Variants in UBE2Q2 observed in about 807,000 individuals in gnomAD.
The protein encoded by UBE2Q2 is ubiquitin conjugating enzyme E2 Q2, also known as ubiquitin-conjugating enzyme E2 Q2.
Under a neutral mutation model 59.9 loss-of-function variants are expected in UBE2Q2, and 54 were observed. The observed-to-expected ratio is 0.90, with a 90% CI of 0.72 to 1.13. The LOEUF is 1.13. Ranked by LOEUF, UBE2Q2 falls within the 50% of genes most tolerant of loss-of-function variation. The pLI is 0.00. For missense variants in UBE2Q2, 433 were observed against 441.9 expected (o/e 0.98, Z 0.18); for synonymous variants, 165 against 155.2 (o/e 1.06, Z -0.47).
Position 75,900,218 on chromosome 15 carries a change from A to G in UBE2Q2, c.*760A>G, listed in dbSNP as rs147767676. Reference sequence around the variant, plus strand: ...AGAGCTTCAAGTTATTTAAAATACTAAGTCATCTTACGTTTCCATTTTATT... The same window carrying G: ...AGAGCTTCAAGTTATTTAAAATACTGAGTCATCTTACGTTTCCATTTTATT... On this transcript the variant is annotated 3_prime_UTR_variant, in exon 13 of 13. Coordinates refer to ENST00000267938, the MANE Select transcript of UBE2Q2 (RefSeq NM_173469.4). The G allele has an allele frequency of 2.0e-5, 3 of 152,332 alleles. No individual in the cohort carries two copies. The highest frequency in any genetic ancestry group is 4.8e-5 in the African/African-American group (2 of 41,568). 9.4% of individuals were successfully genotyped at this position (152,332 alleles called of 1,614,324 possible).
intron 3 of UBE2Q2, among the ~76,000 whole-genome samples, chr15:75,860,576 G>A (rs1897158629): frequency 6.6e-6 from 1 of 152,010 alleles, no homozygotes; most frequent in Admixed American, 6.6e-5. Context: ...ACTTTGTAGA[G>A]TAAAGCCAAG....
chr15:75,852,556 T>A (rs1230119042), intron 1 of UBE2Q2, among the ~76,000 whole-genome samples: 1 of 152,238 alleles, frequency 6.6e-6, no homozygotes, highest in Admixed American at 6.5e-5. Context: ...CATGTATGTT[T>A]CTTGGCTTAT....
intron 4 of UBE2Q2, among the ~76,000 whole-genome samples, chr15:75,869,977 G>T (rs1401124112): frequency 6.6e-6 from 1 of 152,004 alleles, no homozygotes; most frequent in African/African-American, 2.4e-5. Flanking sequence ...TCTGTTTTGG[G>T]TCTTATAATT....
At chr15:75,861,256 A>G (rs1209047666) in intron 3 of UBE2Q2, among the ~76,000 whole-genome samples, 6 of 152,212 alleles carry the variant, frequency 3.9e-5, no homozygotes, top group Non-Finnish European at 7.3e-5. Context: ...TTGATTATAT[A>G]TTTCTAGGTT....
chr15:75,861,472 T>A (rs1244596209), intron 3 of UBE2Q2, among the ~76,000 whole-genome samples: 1 of 152,182 alleles, frequency 6.6e-6, no homozygotes, highest in Non-Finnish European at 1.5e-5. Context: ...TTGTGCTCAG[T>A]ACACCAAATG....
At chr15:75,897,762 C>A (rs1899514309) in intron 12 of UBE2Q2, among the ~76,000 whole-genome samples, 1 of 151,874 alleles carries the variant, frequency 6.6e-6, no homozygotes, top group Non-Finnish European at 1.5e-5. Context: ...CCTCAAGTTC[C>A]TGGGCTGATG....
chr15:75,896,259 A>T (rs1899416685), intron 11 of UBE2Q2, among the ~76,000 whole-genome samples: 1 of 152,210 alleles, frequency 6.6e-6, no homozygotes, highest in Admixed American at 6.5e-5. Context: ...TGTTCAGGGC[A>T]CCAAGTAGGA....
chr15:75,852,131 C>T (rs1003892464), intron 1 of UBE2Q2, among the ~76,000 whole-genome samples: 4 of 152,156 alleles, frequency 2.6e-5, no homozygotes, highest in Non-Finnish European at 5.9e-5. Flanking sequence ...CCTGCCTCGG[C>T]CTCCCAAAGT....
chr15:75,875,616 T>A (rs1898033567), intron 5 of UBE2Q2, among the ~76,000 whole-genome samples: 1 of 152,204 alleles, frequency 6.6e-6, no homozygotes, highest in Non-Finnish European at 1.5e-5. Context: ...TCATACTGAA[T>A]TCTTTGTTAT....
intron 3 of UBE2Q2, 63 bp from the exon 4 acceptor site, chr15:75,868,888 T>C: frequency 6.9e-7 from 1 of 1,459,508 alleles, no homozygotes; most frequent in African/African-American, 1.4e-5. Flanking sequence ...ACCAGTCTTC[T>C]AATGTACTCA....
intron 2 of UBE2Q2, among the ~76,000 whole-genome samples, chr15:75,859,153 A>C (rs1461913680): frequency 3.3e-5 from 5 of 152,252 alleles, no homozygotes; most frequent in African/African-American, 4.8e-5. Context: ...TGTTGAAAGC[A>C]AATATGCTTA....
chr15:75,888,253 G>A (rs952230863), intron 9 of UBE2Q2, among the ~76,000 whole-genome samples: 6 of 152,082 alleles, frequency 3.9e-5, no homozygotes, highest in Admixed American at 3.3e-4. Context: ...CCCTGTACCC[G>A]TTTCCCCCAC....
Position 75,890,495 on chromosome 15 carries a change from T to C in UBE2Q2, c.933+12T>C. Reference sequence around the variant, plus strand: ...TTCTCACAAAACAGGTGACTTTTCTTACGATACTCCATTTTCACCCACAAT... The same window carrying C: ...TTCTCACAAAACAGGTGACTTTTCTCACGATACTCCATTTTCACCCACAAT... On this transcript the variant is annotated intron_variant, in intron 10 of 12. Transcript: ENST00000267938. 2 of 1,607,680 alleles carry C rather than the reference T, an allele frequency of 1.2e-6. No individual in the cohort carries two copies. Among genetic ancestry groups the C allele is most frequent in the Non-Finnish European group, 1.7e-6 (2 of 1,177,878 alleles).
intron 1 of UBE2Q2, among the ~76,000 whole-genome samples, chr15:75,850,035 T>C (rs1896551709): frequency 6.6e-6 from 1 of 152,246 alleles, no homozygotes; most frequent in South Asian, 2.1e-4. Context: ...ATTGAAAATA[T>C]TAATACATAG....
chr15:75,880,258 G>A (rs1230494242), intron 8 of UBE2Q2, among the ~76,000 whole-genome samples: 1 of 151,486 alleles, frequency 6.6e-6, no homozygotes, highest in African/African-American at 2.4e-5. Flanking sequence ...GATTACAGGT[G>A]CATGTCACCA....
chr15:75,873,095 G>A (rs994375929), intron 4 of UBE2Q2, among the ~76,000 whole-genome samples: 2 of 152,166 alleles, frequency 1.3e-5, no homozygotes, highest in African/African-American at 2.4e-5. Context: ...GAACAAACTA[G>A]GAACACTTAA....
At chr15:75,888,467 A>C (rs1898911235) in intron 9 of UBE2Q2, among the ~76,000 whole-genome samples, 1 of 152,222 alleles carries the variant, frequency 6.6e-6, no homozygotes, top group Non-Finnish European at 1.5e-5. Context: ...TTAAAGTTGA[A>C]AATACAGTAT....
chr15:75,898,768 T>A (rs1814871896), intron 12 of UBE2Q2, among the ~76,000 whole-genome samples: 1 of 152,222 alleles, frequency 6.6e-6, no homozygotes, highest in Admixed American at 6.5e-5. Context: ...GTACTTTCCA[T>A]GAGGCTTACT....
chr15:75,869,726 T>A (rs1166066642), intron 4 of UBE2Q2, among the ~76,000 whole-genome samples: 1 of 152,220 alleles, frequency 6.6e-6, no homozygotes, highest in Non-Finnish European at 1.5e-5. Flanking sequence ...CTTAATAGCA[T>A]CACATTGGCA....
Sources: gnomAD v4.1 joint callset for allele counts (sites outside exome capture counted in the v4.1 genomes callset) on GRCh38, gnomAD v4.1.1 for gene constraint, MANE v1.5 for transcripts, NCBI Gene and HGNC (gene_info 2026-07-23, HGNC 2026-07-21) for gene names.